The following AMER1 variants were observed in gnomAD, a reference collection of about 807,000 sequenced individuals.
The protein encoded by AMER1 is APC membrane recruitment protein 1, also known as RP11-403E24.2.
Under a neutral mutation model 53.0 loss-of-function variants are expected in AMER1, and 16 were observed. That is an observed-to-expected ratio of 0.30 (90% CI 0.20 to 0.46). The LOEUF (loss-of-function observed/expected upper bound fraction) is 0.46. AMER1 is among the 20% of genes least tolerant of loss of function. The probability of loss-of-function intolerance (pLI) is 1.00; values close to 1 mark genes in which losing one functional copy is unlikely to be tolerated. For synonymous variants in AMER1, 354 were observed against 331.9 expected (o/e 1.07, Z -0.73); for missense variants, 947 against 884.9 (o/e 1.07, Z -0.89).
Position 64,186,955 on chromosome X carries a change from C to G in AMER1, c.*2924G>C. ...AATAAGATGAAGGCAGCTACTTCCACTAAGTCCCATTTTCCCTTAAAATCA... is the reference window on the plus strand; with the variant it reads ...AATAAGATGAAGGCAGCTACTTCCAGTAAGTCCCATTTTCCCTTAAAATCA... On this transcript the variant is annotated 3_prime_UTR_variant, in exon 2 of 2. Transcript: ENST00000374869. The G allele has an allele frequency of 1.3e-6, 1 of 775,696 alleles. No homozygotes were observed. The highest frequency in any genetic ancestry group is 1.5e-6 in the Non-Finnish European group (1 of 651,639). The allele number at this position is 775,696 out of a possible 1,213,427, so 63.9% of individuals were successfully genotyped here.
intron 1 of AMER1, among the ~76,000 whole-genome samples, chrX:64,204,476 C>T (rs1016972871): frequency 1.8e-5 from 2 of 113,326 alleles, no homozygotes; most frequent in African/African-American, 6.4e-5. Context: ...AGCGTTCGGG[C>T]GGTCACCAGT....
In AMER1 at chrX:64,190,798, T is replaced by C. The variant is rs1930229341; in HGVS notation, c.2489A>G (p.Asn830Ser). Residue 830 changes from asparagine (N) to serine (S), a missense_variant, in exon 2 of 2, where the codon AAT (asparagine) becomes AGT (serine). Physicochemically the swap from Asn to Ser is conservative, Grantham distance 46. Coordinates refer to ENST00000374869, the MANE Select transcript of AMER1 (RefSeq NM_152424.4). ...GKCEENPEFH[N>S]DEDLAASLEA... is the part of the protein sequence containing the mutation. Reference sequence around the variant, plus strand: ...CAAGGAGGCTGCAAGATCTTCATCATTGTGGAACTCAGGATTCTCTTCACA... The same window carrying C: ...CAAGGAGGCTGCAAGATCTTCATCACTGTGGAACTCAGGATTCTCTTCACA... 1.7e-6 allele frequency: 2 copies of C among 1,208,751 alleles called. No homozygotes were observed. The highest frequency in any genetic ancestry group is 1.7e-5 in the African/African-American group (1 of 57,252).
intron 1 of AMER1, among the ~76,000 whole-genome samples, chrX:64,194,537 T>C (rs1930326940): frequency 9.0e-6 from 1 of 111,591 alleles, no homozygotes; most frequent in Non-Finnish European, 1.9e-5. Context: ...GTGACCAGCC[T>C]GCTAAAACCC....
intron 1 of AMER1, among the ~76,000 whole-genome samples, chrX:64,197,789 A>G (rs1471491927): frequency 2.7e-5 from 3 of 112,572 alleles, no homozygotes; most frequent in East Asian, 5.6e-4. Flanking sequence ...GGGGAAATCC[A>G]GCAAGTTTTT....
At chrX:64,202,320 GC>G (rs1419093929) in intron 1 of AMER1, among the ~76,000 whole-genome samples, 1 of 111,827 alleles carries the variant, frequency 8.9e-6, no homozygotes, top group African/African-American at 3.3e-5. Context: ...AGTTAACTCA[GC>G]CCCCCTTTCC....
chrX:64,186,833 A>T lies in AMER1; in HGVS notation c.*3046T>A. On this transcript the variant is annotated 3_prime_UTR_variant, in exon 2 of 2. Coordinates refer to ENST00000374869, the MANE Select transcript of AMER1 (RefSeq NM_152424.4). Reference sequence around the variant, plus strand: ...ATCCTGGCCCTGGGAGAGGCCTACTAGGTGGCCTTCTCTATCCACATTCAC... The same window carrying T: ...ATCCTGGCCCTGGGAGAGGCCTACTTGGTGGCCTTCTCTATCCACATTCAC... The T allele has an allele frequency of 6.5e-6, 5 of 773,273 alleles. No individual in the cohort carries two copies. The highest frequency in any genetic ancestry group is 7.7e-6 in the Non-Finnish European group (5 of 650,195). The allele number at this position is 773,273 out of a possible 1,213,427, so 63.7% of individuals were successfully genotyped here. A position where few individuals can be genotyped will look rare whatever the true frequency, so the allele number is the denominator to read the frequency against.
intron 1 of AMER1, among the ~76,000 whole-genome samples, chrX:64,194,015 C>T (rs780523818): frequency 1.8e-5 from 2 of 111,985 alleles, no homozygotes; most frequent in Non-Finnish European, 3.8e-5. Context: ...CACACATCCA[C>T]AAAGTAGGTC....
At chrX:64,202,324 C>T (rs1417852564) in intron 1 of AMER1, among the ~76,000 whole-genome samples, 3 of 111,849 alleles carry the variant, frequency 2.7e-5, no homozygotes, top group Non-Finnish European at 5.6e-5. Context: ...AACTCAGCCC[C>T]CCTTTCCTCT....
chrX:64,199,185 G>A (rs1263533846), intron 1 of AMER1, among the ~76,000 whole-genome samples: 2 of 112,077 alleles, frequency 1.8e-5, no homozygotes, highest in African/African-American at 6.5e-5. Context: ...TCTCTCTCCT[G>A]TCCCAATTCC....
At chrX:64,203,599 A>C (rs893773457) in intron 1 of AMER1, among the ~76,000 whole-genome samples, 2 of 111,748 alleles carry the variant, frequency 1.8e-5, no homozygotes, top group Admixed American at 9.5e-5. Flanking sequence ...AGAAGTAGGC[A>C]GCCCTGGAGG....
Position 64,185,815 on chromosome X carries a change from TG to T in AMER1, c.*4063del. The stretch of plus-strand genomic sequence containing the variant: ...CTATGCAAGGGTTTCCTCAACGAGA[TG>T]GTAAATTCCTGATAGTGCAAGCATC... On this transcript the variant is annotated 3_prime_UTR_variant, in exon 2 of 2. Transcript: ENST00000374869. The T allele has an allele frequency of 4.4e-6, 1 of 229,466 alleles. No individual in the cohort carries two copies. The highest frequency in any genetic ancestry group is 7.9e-6 in the Non-Finnish European group (1 of 126,420). The allele number at this position is 229,466 out of a possible 1,213,427, so 18.9% of individuals were successfully genotyped here. A position where few individuals can be genotyped will look rare whatever the true frequency, so the allele number is the denominator to read the frequency against.
rs756872620 is a variant in AMER1, at chrX:64,191,438, C to T, written c.1849G>A (p.Glu617Lys). 1.7e-5 allele frequency: 21 copies of T among 1,210,603 alleles called. No homozygotes were observed. In the South Asian group the frequency reaches 2.8e-4, roughly 16 times the overall value. Residue 617 changes from glutamate (E) to lysine (K), a missense_variant, in exon 2 of 2, where the codon GAA becomes AAA. Physicochemically the swap from Glu to Lys is moderately conservative, Grantham distance 56 (BLOSUM62 1). Transcript: ENST00000374869. Reference protein sequence around the residue: ...EAYAREAHTWEAHGREARTRE... With the variant: ...EAYAREAHTWKAHGREARTRE... Reference sequence around the variant, plus strand: ...GTTCTGGCCTCCCTGCCATGAGCTTCCCAAGTGTGGGCCTCCCTGGCATAG... The same window carrying T: ...GTTCTGGCCTCCCTGCCATGAGCTTTCCAAGTGTGGGCCTCCCTGGCATAG...
rs1344004018 is a variant in AMER1 at position 64,190,042 on chromosome X, T to C, written c.3245A>G (p.His1082Arg). Residue 1082 changes from histidine (H) to arginine (R), a missense_variant, in exon 2 of 2, where the codon CAT becomes CGT. Transcript: ENST00000374869. ...LPQAKPVGIT[H>R]GIPQLPRVRP... is the part of the protein sequence containing the mutation. ...GACCCTGGGCAGCTGAGGAATGCCA[T>C]GGGTGATGCCCACAGGCTTGGCCTG... 6 of 1,204,980 alleles carry C rather than the reference T, an allele frequency of 5.0e-6. No homozygotes were observed. Among genetic ancestry groups the C allele is most frequent in the South Asian group, 1.8e-5 (1 of 55,910 alleles).
Position 64,185,940 on chromosome X carries a change from G to T in AMER1, c.*3939C>A. On this transcript the variant is annotated 3_prime_UTR_variant, in exon 2 of 2. Coordinates refer to ENST00000374869, the MANE Select transcript of AMER1 (RefSeq NM_152424.4). ...GAGAATGTTCCCAAAATGCTCCTTT[G>T]GAGAAACTCAACAAGACAAATAGCA... The T allele has an allele frequency of 4.8e-6, 2 of 415,965 alleles. No individual in the cohort carries two copies. The highest frequency in any genetic ancestry group is 8.0e-6 in the Non-Finnish European group (2 of 249,032). 34.3% of individuals were successfully genotyped at this position (415,965 alleles called of 1,213,427 possible). A position where few individuals can be genotyped will look rare whatever the true frequency, so the allele number is the denominator to read the frequency against.
At position 64,189,873 on chromosome X, in the gene AMER1, T is replaced by A; in HGVS notation, c.*6A>T. ...CCCCGTGTCCCTACTCCAGAATTGA[T>A]AATAACTACTTGGCTAGGTTTCCAT... On this transcript the variant is annotated 3_prime_UTR_variant, in exon 2 of 2. Transcript: ENST00000374869. 9.7e-7 allele frequency: 1 copy of A among 1,032,188 alleles called. No individual in the cohort carries two copies. The highest frequency in any genetic ancestry group is 1.3e-6 in the Non-Finnish European group (1 of 787,986). 85.1% of individuals were successfully genotyped at this position (1,032,188 alleles called of 1,213,427 possible).
Position 64,190,408 on chromosome X carries a change from G to A in AMER1, c.2879C>T (p.Ala960Val), listed in dbSNP as rs1307322833. The A allele has an allele frequency of 8.3e-7, 1 of 1,210,426 alleles. No individual in the cohort carries two copies. The highest frequency in any genetic ancestry group is 1.7e-5 in the African/African-American group (1 of 57,456). ...TEPPGAYDWP[A>V]WAPCPLPVGP... ...CACTGGAAGAGGACAGGGAGCCCAA[G>A]CAGGCCAATCATAGGCCCCTGGGGG... is the stretch of plus-strand genomic sequence containing the variant. Residue 960 changes from alanine to valine, a missense_variant, in exon 2 of 2, where the codon GCT (alanine) becomes GTT (valine). Coordinates refer to ENST00000374869, the MANE Select transcript of AMER1 (RefSeq NM_152424.4).
chrX:64,199,857 T>C (rs1345368631), intron 1 of AMER1, among the ~76,000 whole-genome samples: 4 of 112,821 alleles, frequency 3.5e-5, no homozygotes, highest in African/African-American at 1.3e-4. Flanking sequence ...TGTCTGATGT[T>C]AAAGGCTTGC....
At chrX:64,198,746 A>G (rs781048276) in intron 1 of AMER1, among the ~76,000 whole-genome samples, 1 of 111,128 alleles carries the variant, frequency 9.0e-6, no homozygotes, top group African/African-American at 3.3e-5. Flanking sequence ...ATCAGAATCT[A>G]GGGGCCAACA....
Position 64,188,273 on chromosome X carries a change from C to CA in AMER1, c.*1605dup, listed in dbSNP as rs1454201837. 15 of 800,437 alleles carry CA rather than the reference C, an allele frequency of 1.9e-5. No homozygotes were observed. Among genetic ancestry groups the CA allele is most frequent in the African/African-American group, 2.2e-5 (1 of 45,285 alleles). 66.0% of individuals were successfully genotyped at this position (800,437 alleles called of 1,213,427 possible). On this transcript the variant is annotated 3_prime_UTR_variant, in exon 2 of 2. Coordinates refer to ENST00000374869, the MANE Select transcript of AMER1 (RefSeq NM_152424.4). ...CATAATTTGAGTGAACACAGCCAAGCAAAAAATGTTCCATATGCCATTTCC... is the reference window on the plus strand; with the variant it reads ...CATAATTTGAGTGAACACAGCCAAGCAAAAAAATGTTCCATATGCCATTTCC...
Sources: allele counts gnomAD v4.1 joint callset (sites outside exome capture counted in the v4.1 genomes callset), GRCh38; gene constraint gnomAD v4.1.1; transcripts MANE v1.5; gene names NCBI Gene and HGNC (gene_info 2026-07-23, HGNC 2026-07-21).